The following SCHIP1 variants were observed in gnomAD, a reference collection of about 807,000 sequenced individuals.
SCHIP1 encodes the protein schwannomin-interacting protein 1.
A neutral mutation model predicts 29.7 loss-of-function variants in SCHIP1; 8 were observed. The observed-to-expected ratio is 0.27, with a 90% CI of 0.16 to 0.49. The LOEUF is 0.49. Among genes scored for constraint, SCHIP1 ranks in the 20% least tolerant of loss-of-function variants. The probability of loss-of-function intolerance (pLI) is 0.99; values close to 1 mark genes in which losing one functional copy is unlikely to be tolerated. For missense variants in SCHIP1, 193 were observed against 294.6 expected, an observed-to-expected ratio of 0.66 and a Z score of 2.52; for synonymous variants, 76 against 94.9, an observed-to-expected ratio of 0.80 and a Z score of 1.16.
intron 6 of SCHIP1, among the ~76,000 whole-genome samples, chr3:159,895,493 C>T (rs1030575827): frequency 1.3e-5 from 2 of 152,144 alleles, no homozygotes; most frequent in African/African-American, 2.4e-5. Flanking sequence ...TTCCTAAAAT[C>T]GTCCTTTAAA....
chr3:159,562,718 C>A, the SCHIP1 span, among the ~76,000 whole-genome samples: 7 of 152,276 alleles, frequency 4.6e-5, no homozygotes, highest in South Asian at 1.5e-3. Flanking sequence ...AAGTCTTTTC[C>A]CAATTCATCC....
chr3:159,663,179 C>T, the SCHIP1 span, among the ~76,000 whole-genome samples: 2 of 152,192 alleles, frequency 1.3e-5, no homozygotes, highest in Non-Finnish European at 2.9e-5. Context: ...AGCTCAGGAC[C>T]TAATCCATAG....
the SCHIP1 span, among the ~76,000 whole-genome samples, chr3:159,470,439 T>C: frequency 0.24 from 36,083 of 152,048 alleles, 4,496 homozygotes; most frequent in East Asian, 0.34. Context: ...AAAAATCTGC[T>C]ATTTCTGTAT....
the SCHIP1 span, among the ~76,000 whole-genome samples, chr3:159,679,474 C>T: frequency 2.0e-5 from 3 of 152,176 alleles, no homozygotes; most frequent in Non-Finnish European, 2.9e-5. Flanking sequence ...ACACAGGCAA[C>T]ATCTAGCTAA....
the SCHIP1 span, among the ~76,000 whole-genome samples, chr3:159,663,642 C>T: frequency 4.6e-5 from 7 of 152,256 alleles, no homozygotes; most frequent in South Asian, 2.1e-4. Flanking sequence ...ATGATACATA[C>T]ATACACATAT....
chr3:159,677,623 C>T, the SCHIP1 span, among the ~76,000 whole-genome samples: 2 of 152,166 alleles, frequency 1.3e-5, no homozygotes, highest in African/African-American at 4.8e-5. Flanking sequence ...TAAATATTTA[C>T]ACATGGCAGA....
At chr3:159,890,109 A>G (rs1220081382) in intron 5 of SCHIP1, among the ~76,000 whole-genome samples, 3 of 151,742 alleles carry the variant, frequency 2.0e-5, no homozygotes, top group Non-Finnish European at 4.4e-5. Flanking sequence ...AAAAAAAAAG[A>G]AAGAAAGAAA....
chr3:159,661,907 T>C, the SCHIP1 span, among the ~76,000 whole-genome samples: 1 of 152,210 alleles, frequency 6.6e-6, no homozygotes, highest in Non-Finnish European at 1.5e-5. Context: ...AATCAGTATG[T>C]CAGTATATTC....
chr3:159,379,053 C>T, the SCHIP1 span, among the ~76,000 whole-genome samples: 13,813 of 152,138 alleles, frequency 0.091, 837 homozygotes, highest in Non-Finnish European at 0.13. Flanking sequence ...GTAACAGTGG[C>T]TGTGTTTGTC....
At chr3:159,838,340 G>T (rs1204602907), upstream of SCHIP1, among the ~76,000 whole-genome samples, 1 of 152,216 alleles carries the variant, frequency 6.6e-6, no homozygotes, top group Non-Finnish European at 1.5e-5. Flanking sequence ...GAGAGTGCTT[G>T]ATAGGAAAAC....
chr3:159,513,866 G>A, the SCHIP1 span, among the ~76,000 whole-genome samples: 3 of 152,164 alleles, frequency 2.0e-5, no homozygotes, highest in Admixed American at 2.0e-4. Flanking sequence ...GGCACTAATT[G>A]TAACTGTCCT....
the SCHIP1 span, among the ~76,000 whole-genome samples, chr3:159,630,471 A>G: frequency 6.6e-6 from 1 of 152,194 alleles, no homozygotes. Context: ...AATGTGGTAT[A>G]TATATATACA....
chr3:159,342,950 A>G, the SCHIP1 span, among the ~76,000 whole-genome samples: 1 of 152,228 alleles, frequency 6.6e-6, no homozygotes, highest in Non-Finnish European at 1.5e-5. Context: ...AATAGTTTTT[A>G]ATCCTCAAAA....
chr3:159,495,680 G>A, the SCHIP1 span, among the ~76,000 whole-genome samples: 1 of 152,118 alleles, frequency 6.6e-6, no homozygotes, highest in South Asian at 2.1e-4. Flanking sequence ...TGGCCATACT[G>A]CCCAAGGTAA....
chr3:159,850,251 C>A (rs962419271), intron 1 of SCHIP1, among the ~76,000 whole-genome samples: 4 of 152,046 alleles, frequency 2.6e-5, no homozygotes, highest in African/African-American at 7.2e-5. Flanking sequence ...TCCATTGTTA[C>A]ACTGCTATAT....
the SCHIP1 span, among the ~76,000 whole-genome samples, chr3:159,623,371 A>G: frequency 1.3e-5 from 2 of 152,186 alleles, no homozygotes; most frequent in East Asian, 1.9e-4. Flanking sequence ...AAAAGTAATA[A>G]ACAGTTTTAC....
At chr3:159,636,346 C>G in the SCHIP1 span, among the ~76,000 whole-genome samples, 9 of 152,150 alleles carry the variant, frequency 5.9e-5, no homozygotes. Flanking sequence ...CCGCACCCAG[C>G]CTAATTTTGC....
the SCHIP1 span, among the ~76,000 whole-genome samples, chr3:159,753,534 A>G: frequency 4.6e-5 from 7 of 152,058 alleles, no homozygotes; most frequent in African/African-American, 1.7e-4. Context: ...TTGACTTCCT[A>G]AATATCTTTA....
chr3:159,698,587 G>A, the SCHIP1 span, among the ~76,000 whole-genome samples: 1 of 152,084 alleles, frequency 6.6e-6, no homozygotes, highest in African/African-American at 2.4e-5. Flanking sequence ...GGTCTTATTT[G>A]TCTCAACTGT....
Sources: allele counts gnomAD v4.1 joint callset (sites outside exome capture counted in the v4.1 genomes callset), GRCh38; gene constraint gnomAD v4.1.1; transcripts MANE v1.5; gene names NCBI Gene and HGNC (gene_info 2026-07-23, HGNC 2026-07-21).